Variants in RBFOX1 observed in about 807,000 individuals in gnomAD.
RBFOX1 encodes RNA binding protein fox-1 homolog 1.
A neutral mutation model predicts 57.7 loss-of-function variants in RBFOX1; 8 were observed. That is an observed-to-expected ratio of 0.14 (90% CI 0.08 to 0.25). The LOEUF is 0.25. Ranked by LOEUF, RBFOX1 falls within the 10% of genes least tolerant of loss-of-function variation. RBFOX1 has a pLI of 1.00. For synonymous variants in RBFOX1, 326 were observed against 222.4 expected (o/e 1.47, Z -4.15); for missense variants, 611 against 548.5 (o/e 1.11, Z -1.14).
chr16:5,425,695 G>T (rs557170801), intron 1 of RBFOX1, among the ~76,000 whole-genome samples: 1 of 152,318 alleles, frequency 6.6e-6, no homozygotes, highest in East Asian at 1.9e-4. Flanking sequence ...GCAGGGGCAG[G>T]GGAGAGTGGC....
intron 1 of RBFOX1, among the ~76,000 whole-genome samples, chr16:6,314,367 A>G (rs750224161): frequency 2.0e-5 from 3 of 152,218 alleles, no homozygotes; most frequent in African/African-American, 7.2e-5. Context: ...GAAAGGATGT[A>G]TATTCTGCTT....
chr16:6,906,220 C>G (rs1671076121), intron 3 of RBFOX1, among the ~76,000 whole-genome samples: 1 of 148,480 alleles, frequency 6.7e-6, no homozygotes, highest in South Asian at 2.2e-4. Context: ...CTATGGGCAA[C>G]CCCAAAAAGC....
At chr16:6,750,246 A>G (rs1394618364) in intron 3 of RBFOX1, among the ~76,000 whole-genome samples, 3 of 152,208 alleles carry the variant, frequency 2.0e-5, no homozygotes, top group African/African-American at 7.2e-5. Context: ...TTAAAGGTAA[A>G]TTCATCAATA....
intron 4 of RBFOX1, among the ~76,000 whole-genome samples, chr16:7,141,524 C>G (rs977450537): frequency 6.6e-6 from 1 of 152,186 alleles, no homozygotes; most frequent in Non-Finnish European, 1.5e-5. Context: ...TAGAGTGCAT[C>G]AAGGATCATT....
intron 3 of RBFOX1, among the ~76,000 whole-genome samples, chr16:5,810,255 G>C (rs987743811): frequency 6.6e-5 from 10 of 152,040 alleles, no homozygotes; most frequent in Admixed American, 1.3e-4. Context: ...CAGCACACCA[G>C]AATGGCACAT....
chr16:7,669,193 C>A (rs1733032234), intron 13 of RBFOX1, among the ~76,000 whole-genome samples: 1 of 152,170 alleles, frequency 6.6e-6, no homozygotes, highest in Non-Finnish European at 1.5e-5. Flanking sequence ...TGTGACCCAC[C>A]ATGACTGACC....
intron 2 of RBFOX1, among the ~76,000 whole-genome samples, chr16:6,593,156 C>T (rs537531080): frequency 2.0e-5 from 3 of 152,078 alleles, no homozygotes; most frequent in Non-Finnish European, 4.4e-5. Flanking sequence ...GGCACCATTG[C>T]GCTCCAGCCT....
At chr16:7,575,281 C>T (rs529344908) in intron 5 of RBFOX1, among the ~76,000 whole-genome samples, 13 of 152,026 alleles carry the variant, frequency 8.6e-5, no homozygotes, top group Admixed American at 3.3e-4. Flanking sequence ...ATTACAGGTG[C>T]GCGCTACCCC....
intron 4 of RBFOX1, among the ~76,000 whole-genome samples, chr16:5,951,221 G>T (rs775728571): frequency 6.6e-6 from 1 of 152,140 alleles, no homozygotes; most frequent in Non-Finnish European, 1.5e-5. Context: ...ACCGAGGCAG[G>T]CAGATCACTT....
At chr16:7,678,726 G>C (rs762797952) in intron 14 of RBFOX1, among the ~76,000 whole-genome samples, 1 of 152,134 alleles carries the variant, frequency 6.6e-6, no homozygotes, top group Non-Finnish European at 1.5e-5. Flanking sequence ...AATTACCTGA[G>C]ATTCTGGCCA....
intron 2 of RBFOX1, among the ~76,000 whole-genome samples, chr16:6,417,828 C>T (rs115949182): frequency 0.013 from 1,989 of 151,550 alleles, 41 homozygotes; most frequent in African/African-American, 0.044. Flanking sequence ...TCCTAGTATC[C>T]GTTAGTTATT....
intron 1 of RBFOX1, among the ~76,000 whole-genome samples, chr16:6,164,582 T>C (rs927736808): frequency 2.0e-5 from 3 of 151,848 alleles, no homozygotes; most frequent in African/African-American, 7.3e-5. Flanking sequence ...TTCTCATGCC[T>C]CAGCCTCCCA....
intron 4 of RBFOX1, among the ~76,000 whole-genome samples, chr16:7,203,177 TACTC>T (rs950423058): frequency 1.1e-4 from 16 of 152,310 alleles, no homozygotes; most frequent in South Asian, 4.1e-4. Flanking sequence ...CAAAATGTGA[TACTC>T]ACACACGCAC....
At chr16:7,233,610 T>C (rs756935344) in intron 4 of RBFOX1, among the ~76,000 whole-genome samples, 5 of 152,316 alleles carry the variant, frequency 3.3e-5, no homozygotes, top group Middle Eastern at 3.4e-3. Context: ...AATACATGTA[T>C]AGTTTGCATT....
intron 1 of RBFOX1, among the ~76,000 whole-genome samples, chr16:6,171,558 C>T (rs970067901): frequency 6.6e-6 from 1 of 152,150 alleles, no homozygotes; most frequent in Non-Finnish European, 1.5e-5. Context: ...TGGAGTGGTT[C>T]TGCAAATGTC....
At chr16:6,552,249 A>T (rs931152979) in intron 2 of RBFOX1, among the ~76,000 whole-genome samples, 1 of 152,194 alleles carries the variant, frequency 6.6e-6, no homozygotes, top group Non-Finnish European at 1.5e-5. Flanking sequence ...TAATGAAAGT[A>T]TTTGAAGGAG....
In RBFOX1 at chr16:6,097,784, C is replaced by G. The variant is rs1288480557; in HGVS notation, c.-127+77792C>G. On this transcript the variant is annotated intron_variant, in intron 1 of 15. Coordinates refer to ENST00000550418, the MANE Select transcript of RBFOX1 (RefSeq NM_018723.4). The surrounding 1 kb of genome is among the most constrained non-coding windows in gnomAD (Gnocchi z 5.0). ...TTCTTTTTTTTTTTTTCTTACCACCCTCCAAAATTCTTATTTATTTATTTT... is the reference window on the plus strand; with the variant it reads ...TTCTTTTTTTTTTTTTCTTACCACCGTCCAAAATTCTTATTTATTTATTTT... Among the ~76,000 whole-genome samples, 1 of 151,534 alleles carries G rather than the reference C, an allele frequency of 6.6e-6. No homozygotes were observed. Among genetic ancestry groups the G allele is most frequent in the East Asian group, 1.9e-4 (1 of 5,180 alleles).
At chr16:7,394,721 G>A (rs2098113177) in intron 4 of RBFOX1, among the ~76,000 whole-genome samples, 1 of 152,166 alleles carries the variant, frequency 6.6e-6, no homozygotes, top group African/African-American at 2.4e-5. Flanking sequence ...GTTGAGGCAT[G>A]AATAACAGCA....
intron 3 of RBFOX1, among the ~76,000 whole-genome samples, chr16:6,961,484 C>T (rs547617768): frequency 6.6e-6 from 1 of 152,180 alleles, no homozygotes; most frequent in Non-Finnish European, 1.5e-5. Flanking sequence ...AAGGAGGGTT[C>T]TTGGAAATTG....
Sources: gnomAD v4.1 joint callset for allele counts (sites outside exome capture counted in the v4.1 genomes callset) on GRCh38, gnomAD v4.1.1 for gene constraint, Gnocchi (gnomAD v3.1) non-coding constraint, MANE v1.5 for transcripts, NCBI Gene and HGNC (gene_info 2026-07-23, HGNC 2026-07-21) for gene names.